Variants in NCAM2 observed in about 807,000 individuals in gnomAD.
NCAM2 encodes the protein neural cell adhesion molecule 2.
Under a neutral mutation model 98.1 loss-of-function variants are expected in NCAM2, and 30 were observed. The ratio of observed to expected loss-of-function variants is 0.31; its 90% CI spans 0.23 to 0.41. NCAM2 has a LOEUF of 0.41. Ranked by LOEUF, NCAM2 falls within the 10% of genes least tolerant of loss-of-function variation. The pLI is 1.00. For synonymous variants in NCAM2, 368 were observed against 342.4 expected (o/e 1.07, Z -0.83); for missense variants, 867 against 1,005.8 (o/e 0.86, Z 1.87).
chr21:21,350,011 C>A (rs183944194), intron 8 of NCAM2, among the ~76,000 whole-genome samples: 475 of 152,180 alleles, frequency 3.1e-3, no homozygotes, highest in Admixed American at 3.9e-3. Flanking sequence ...GATAGTCCAA[C>A]AGGGTGAGTA....
intron 14 of NCAM2, among the ~76,000 whole-genome samples, chr21:21,472,609 C>G (rs1248308648): frequency 1.3e-5 from 2 of 151,140 alleles, no homozygotes; most frequent in African/African-American, 4.9e-5. Flanking sequence ...ACAAATACAG[C>G]AAGAAATCAA....
intron 9 of NCAM2, among the ~76,000 whole-genome samples, chr21:21,404,904 A>G (rs1033100813): frequency 1.3e-5 from 2 of 151,676 alleles, no homozygotes; most frequent in African/African-American, 2.4e-5. Flanking sequence ...AGTAAAGCCT[A>G]CATAATTATT....
chr21:21,186,780 A>G (rs2068654410), intron 1 of NCAM2, among the ~76,000 whole-genome samples: 1 of 152,178 alleles, frequency 6.6e-6, no homozygotes, highest in Admixed American at 6.5e-5. Flanking sequence ...ATATCTTTGA[A>G]AATACATTGA....
intron 8 of NCAM2, among the ~76,000 whole-genome samples, chr21:21,341,932 C>A (rs191114501): frequency 2.0e-5 from 3 of 152,046 alleles, no homozygotes; most frequent in Non-Finnish European, 4.4e-5. Flanking sequence ...AATGGTGAAC[C>A]CATGTTCTCT....
In NCAM2 at chr21:21,539,345, T is replaced by C. The variant is rs764916622; in HGVS notation, c.*1388T>C. The C allele has an allele frequency of 2.0e-5, 3 of 152,164 alleles. No homozygotes were observed. Among genetic ancestry groups the C allele is most frequent in the Non-Finnish European group, 4.4e-5 (3 of 68,028 alleles). 9.4% of individuals were successfully genotyped at this position (152,164 alleles called of 1,614,324 possible). ...TTAACCTTGAGAGCCAAAGGTTTCC[T>C]TAGGCCCTGTAACATTCAGAACCTT... On this transcript the variant is annotated 3_prime_UTR_variant, in exon 18 of 18. Transcript: ENST00000400546.
At chr21:21,203,857 ATT>A (rs1389415480) in intron 1 of NCAM2, among the ~76,000 whole-genome samples, 3 of 152,128 alleles carry the variant, frequency 2.0e-5, no homozygotes, top group Admixed American at 2.0e-4. Flanking sequence ...GTAGAGGCTT[ATT>A]TATAACTTAA....
intron 1 of NCAM2, among the ~76,000 whole-genome samples, chr21:21,221,843 ACAT>A (rs767267068): frequency 1.5e-4 from 23 of 152,162 alleles, no homozygotes; most frequent in Non-Finnish European, 2.8e-4. Flanking sequence ...AGGTGAAATA[ACAT>A]TCTATTGGAA....
At chr21:21,183,436 T>A (rs1360669141) in intron 1 of NCAM2, among the ~76,000 whole-genome samples, 1 of 152,130 alleles carries the variant, frequency 6.6e-6, no homozygotes, top group Non-Finnish European at 1.5e-5. Context: ...GTGAATTTTG[T>A]GGCAGTAGTA....
intron 16 of NCAM2, among the ~76,000 whole-genome samples, chr21:21,523,453 C>G (rs1302382918): frequency 6.7e-6 from 1 of 150,346 alleles, no homozygotes; most frequent in Non-Finnish European, 1.5e-5. Context: ...AAGAGGCTGT[C>G]CTTTCCCTAA....
At chr21:21,405,791 A>G (rs2076728132) in intron 9 of NCAM2, among the ~76,000 whole-genome samples, 1 of 152,244 alleles carries the variant, frequency 6.6e-6, no homozygotes, top group South Asian at 2.1e-4. Context: ...GTTTAACAAT[A>G]TTTCTTATTA....
At position 21,008,458 on chromosome 21, in the gene NCAM2, C is replaced by G. The variant is rs549548487; in HGVS notation, c.55+9840C>G. On this transcript the variant is annotated intron_variant, in intron 1 of 17. Transcript: ENST00000400546. ...CCATTTTAATTTATCTAATGAAGCCCCACAGTTATCCTGAAAGGTAGATAG... is the reference window on the plus strand; with the variant it reads ...CCATTTTAATTTATCTAATGAAGCCGCACAGTTATCCTGAAAGGTAGATAG... Among the ~76,000 whole-genome samples the G allele has an allele frequency of 8.6e-5, 13 of 152,044 alleles. No individual in the cohort carries two copies. The East Asian group carries it at 2.5e-3, about 29-fold the overall frequency.
chr21:21,264,867 T>G, intron 1 of NCAM2, among the ~76,000 whole-genome samples: 1 of 138,516 alleles, frequency 7.2e-6, no homozygotes, highest in Non-Finnish European at 1.6e-5. Context: ...CACGTGTGTG[T>G]GTGTTCATAG....
chr21:21,383,809 T>C (rs1371922708), intron 9 of NCAM2, among the ~76,000 whole-genome samples: 1 of 152,086 alleles, frequency 6.6e-6, no homozygotes, highest in East Asian at 1.9e-4. Context: ...ATTTTTATTA[T>C]TTTTCTTTTT....
intron 1 of NCAM2, among the ~76,000 whole-genome samples, chr21:21,116,954 A>G (rs1382717223): frequency 6.6e-6 from 1 of 152,154 alleles, no homozygotes; most frequent in African/African-American, 2.4e-5. Flanking sequence ...TTAAGGCGAT[A>G]ATTTTTGGGG....
intron 8 of NCAM2, among the ~76,000 whole-genome samples, chr21:21,341,554 G>T (rs141229137): frequency 6.6e-6 from 1 of 152,056 alleles, no homozygotes; most frequent in East Asian, 1.9e-4. Context: ...GTCAAGTTTT[G>T]ATGAAACTAA....
At chr21:21,301,255 C>T (rs964611415) in intron 5 of NCAM2, among the ~76,000 whole-genome samples, 2 of 151,948 alleles carry the variant, frequency 1.3e-5, no homozygotes, top group African/African-American at 4.8e-5. Context: ...TCCAACTTGT[C>T]AGTTTTTATT....
chr21:21,421,816 GAATT>G (rs2077117016), intron 11 of NCAM2, among the ~76,000 whole-genome samples: 1 of 152,124 alleles, frequency 6.6e-6, no homozygotes, highest in Non-Finnish European at 1.5e-5. Context: ...CTTCCAAAGG[GAATT>G]AATTAGAGCC....
intron 1 of NCAM2, among the ~76,000 whole-genome samples, chr21:21,220,752 A>C (rs2070114171): frequency 6.6e-6 from 1 of 152,116 alleles, no homozygotes; most frequent in Admixed American, 6.5e-5. Context: ...TAGAATGTAA[A>C]TTCTGATTCA....
chr21:21,385,400 G>GCA (rs1176937026), intron 9 of NCAM2, among the ~76,000 whole-genome samples: 10 of 49,390 alleles, frequency 2.0e-4, no homozygotes, highest in Non-Finnish European at 4.4e-4. Flanking sequence ...ACACACACAC[G>GCA]CACACACACA....
Sources: allele counts gnomAD v4.1 joint callset (sites outside exome capture counted in the v4.1 genomes callset), GRCh38; gene constraint gnomAD v4.1.1; transcripts MANE v1.5; gene names NCBI Gene and HGNC (gene_info 2026-07-23, HGNC 2026-07-21).